The following NACC2 variants were observed in gnomAD, a reference collection of about 807,000 sequenced individuals.
NACC2 encodes NACC family member 2, also known as nucleus accumbens-associated protein 2.
A neutral mutation model predicts 25.1 loss-of-function variants in NACC2; 8 were observed. The ratio of observed to expected loss-of-function variants is 0.32; its 90% CI spans 0.19 to 0.57. The LOEUF is 0.57. NACC2 is among the 20% of genes least tolerant of loss of function. The pLI is 0.89. For missense variants in NACC2, 644 were observed against 650.2 expected (o/e 0.99, Z 0.10); for synonymous variants, 435 against 294.7 (o/e 1.48, Z -4.88).
intron 1 of NACC2, among the ~76,000 whole-genome samples, chr9:136,085,609 C>T (rs533298190): frequency 8.4e-4 from 128 of 152,124 alleles, no homozygotes; most frequent in Admixed American, 7.8e-3. Context: ...GCCTGGGAGG[C>T]GGCTGCCAGG....
At chr9:136,066,427 A>T (rs1462053092) in intron 1 of NACC2, among the ~76,000 whole-genome samples, 5 of 152,234 alleles carry the variant, frequency 3.3e-5, no homozygotes, top group Non-Finnish European at 5.9e-5. Context: ...GCCGTCAGGG[A>T]AATCCAAATC....
chr9:136,010,181 T>A lies in NACC2; in HGVS notation c.*1335A>T. The stretch of plus-strand genomic sequence containing the variant: ...CCATGGGCCCTTCCTCCACTGTCCC[T>A]GGCCCCCCAACATGATCCCTAACCC... On this transcript the variant is annotated 3_prime_UTR_variant, in exon 6 of 6. Coordinates refer to ENST00000277554, the MANE Select transcript of NACC2 (RefSeq NM_144653.5). This position sits in a 1 kb window ranked among gnomAD's most constrained non-coding sequence, Gnocchi z 4.9. The A allele has an allele frequency of 6.6e-6, 1 of 152,634 alleles. No homozygotes were observed. 9.5% of individuals were successfully genotyped at this position (152,634 alleles called of 1,614,324 possible). A position where few individuals can be genotyped will look rare whatever the true frequency, so the allele number is the denominator to read the frequency against.
At position 136,086,135 on chromosome 9, in the gene NACC2, G is replaced by A. The variant is rs558453813; in HGVS notation, c.-60+9054C>T. On this transcript the variant is annotated intron_variant, in intron 1 of 5. Transcript: ENST00000277554. This position sits in a 1 kb window ranked among gnomAD's most constrained non-coding sequence, Gnocchi z 5.6. Reference sequence around the variant, plus strand: ...TGGAGAAAACCAAGTCACCCCTGGGGACCCTTGTTGGACATTCTAAAAACC... The same window carrying A: ...TGGAGAAAACCAAGTCACCCCTGGGAACCCTTGTTGGACATTCTAAAAACC... 6.6e-6 allele frequency among the ~76,000 whole-genome samples: 1 copy of A among 152,352 alleles called. No individual in the cohort carries two copies. Among genetic ancestry groups the A allele is most frequent in the African/African-American group, 2.4e-5 (1 of 41,588 alleles).
intron 2 of NACC2, among the ~76,000 whole-genome samples, chr9:136,032,256 C>T (rs559457921): frequency 2.0e-5 from 3 of 152,254 alleles, no homozygotes; most frequent in East Asian, 1.9e-4. Flanking sequence ...TCCAGGAATA[C>T]GAAGTTATTT....
chr9:136,043,602 G>A lies in NACC2; in HGVS notation c.886+6034C>T, dbSNP rs960012745. ...CACACGGAAATATACAGGATCTACC[G>A]CTGCACGGTCTCACGCACAGGGATC... On this transcript the variant is annotated intron_variant, in intron 2 of 5. Transcript: ENST00000277554. 5.9e-5 allele frequency among the ~76,000 whole-genome samples: 9 copies of A among 152,184 alleles called. 1 individual carries two copies. The highest frequency in any genetic ancestry group is 5.9e-5 in the Non-Finnish European group (4 of 68,046).
rs1840152712 is a variant in NACC2 at position 136,013,853 on chromosome 9, C to T, written c.1157+11G>A. On this transcript the variant is annotated intron_variant, in intron 4 of 5. Coordinates refer to ENST00000277554, the MANE Select transcript of NACC2 (RefSeq NM_144653.5). This position sits in a 1 kb window ranked among gnomAD's most constrained non-coding sequence, Gnocchi z 6.6. ...TCCATTGTGCCCTCCAGCACTCCTG[C>T]CCCGACCTACCTGTCAAAGAAGGTG... 2 of 1,610,486 alleles carry T rather than the reference C, an allele frequency of 1.2e-6. No individual in the cohort carries two copies. The highest frequency in any genetic ancestry group is 2.2e-5 in the East Asian group (1 of 44,834).
chr9:136,060,124 A>G (rs1220588197), intron 1 of NACC2, among the ~76,000 whole-genome samples: 1 of 152,242 alleles, frequency 6.6e-6, no homozygotes, highest in Non-Finnish European at 1.5e-5. Context: ...AATCCCACAA[A>G]TTAAAGGAAG....
intron 1 of NACC2, among the ~76,000 whole-genome samples, chr9:136,051,836 G>A (rs1304754817): frequency 7.9e-5 from 12 of 152,070 alleles, no homozygotes; most frequent in Admixed American, 7.9e-4. Flanking sequence ...GCAGCAAACG[G>A]AGCGGGAGCC....
chr9:136,029,430 C>T (rs1395053152), intron 2 of NACC2, among the ~76,000 whole-genome samples: 14 of 152,184 alleles, frequency 9.2e-5, no homozygotes, highest in Non-Finnish European at 1.5e-5. Flanking sequence ...GTCTGCATAC[C>T]TCATTTTCCT....
chr9:136,072,402 G>A (rs1375316889), intron 1 of NACC2, among the ~76,000 whole-genome samples: 1 of 152,058 alleles, frequency 6.6e-6, no homozygotes, highest in African/African-American at 2.4e-5. Context: ...AAAATTAGCC[G>A]GGCGTGCTGG....
chr9:136,077,331 AAAAAC>A (rs1375471496), intron 1 of NACC2, among the ~76,000 whole-genome samples: 1 of 152,340 alleles, frequency 6.6e-6, no homozygotes, highest in East Asian at 1.9e-4. Flanking sequence ...CTCCGTCTCA[AAAAAC>A]AAAACAAAAC....
intron 1 of NACC2, among the ~76,000 whole-genome samples, chr9:136,087,791 C>T (rs1830393876): frequency 6.6e-6 from 1 of 152,208 alleles, no homozygotes; most frequent in East Asian, 1.9e-4. Flanking sequence ...GAGGACAGCC[C>T]AGGACGGCAC....
intron 1 of NACC2, among the ~76,000 whole-genome samples, chr9:136,089,176 T>C (rs1830409986): frequency 1.3e-5 from 2 of 151,802 alleles, no homozygotes; most frequent in South Asian, 2.1e-4. Flanking sequence ...AGCCACAGGC[T>C]ACCCCCGGGC....
chr9:136,015,571 C>T (rs986223188), intron 3 of NACC2, among the ~76,000 whole-genome samples: 4 of 152,126 alleles, frequency 2.6e-5, no homozygotes, highest in Admixed American at 2.0e-4. Context: ...CAAGGTATGG[C>T]CTTTGGGGGT....
chr9:136,045,047 G>A (rs903579149), intron 2 of NACC2, among the ~76,000 whole-genome samples: 1 of 152,256 alleles, frequency 6.6e-6, no homozygotes, highest in Non-Finnish European at 1.5e-5. Context: ...AGTGGCATCT[G>A]TCCAGGGTCC....
chr9:136,043,727 C>G (rs1521444), intron 2 of NACC2, among the ~76,000 whole-genome samples: 22,655 of 152,284 alleles, frequency 0.15, 2,211 homozygotes, highest in East Asian at 0.35. Context: ...GGGTAACATT[C>G]TACAGGAGGG....
At chr9:136,024,085 G>A (rs1330131495) in intron 2 of NACC2, among the ~76,000 whole-genome samples, 2 of 151,984 alleles carry the variant, frequency 1.3e-5, no homozygotes, top group African/African-American at 2.4e-5. Context: ...GTGTGAGTGA[G>A]GGCCAGAGTG....
chr9:136,029,938 G>C (rs1840449803), intron 2 of NACC2, among the ~76,000 whole-genome samples: 1 of 152,184 alleles, frequency 6.6e-6, no homozygotes, highest in Non-Finnish European at 1.5e-5. Context: ...AATGAGCCCA[G>C]CAGGCACGAG....
intron 1 of NACC2, among the ~76,000 whole-genome samples, chr9:136,054,171 C>T (rs2131165996): frequency 6.6e-6 from 1 of 152,334 alleles, no homozygotes; most frequent in Admixed American, 6.5e-5. Context: ...GAGAGCAGCT[C>T]TCAGCTGGGC....
Sources: allele counts gnomAD v4.1 joint callset (sites outside exome capture counted in the v4.1 genomes callset), GRCh38; gene constraint gnomAD v4.1.1; non-coding constraint Gnocchi (gnomAD v3.1); transcripts MANE v1.5; gene names NCBI Gene and HGNC (gene_info 2026-07-23, HGNC 2026-07-21).